STARD13: variants seen among roughly 807,000 people sequenced by gnomAD.
STARD13 encodes StAR related lipid transfer domain containing 13, also known as stAR-related lipid transfer protein 13.
STARD13 carries 62 observed loss-of-function variants against 106.4 expected under a neutral mutation model. The ratio of observed to expected loss-of-function variants is 0.58; its 90% CI spans 0.48 to 0.72. The LOEUF is 0.72. STARD13 is among the 30% of genes least tolerant of loss of function. The pLI, the probability that STARD13 is intolerant of heterozygous loss-of-function variation, is 0.00. For synonymous variants in STARD13, 565 were observed against 553.0 expected, an observed-to-expected ratio of 1.02 and a Z score of -0.31; for missense variants, 1,387 against 1,424.0, an observed-to-expected ratio of 0.97 and a Z score of 0.42.
chr13:33,553,959 C>A, the STARD13 span, among the ~76,000 whole-genome samples: 2 of 151,976 alleles, frequency 1.3e-5, no homozygotes, highest in African/African-American at 2.4e-5. Flanking sequence ...GGATTCACAG[C>A]AAATTTTTTA....
chr13:33,368,260 T>G, the STARD13 span, among the ~76,000 whole-genome samples: 3 of 152,220 alleles, frequency 2.0e-5, no homozygotes, highest in Non-Finnish European at 4.4e-5. Flanking sequence ...AGAAAAGCTC[T>G]TTCAGTGAAA....
the STARD13 span, among the ~76,000 whole-genome samples, chr13:33,489,753 A>T: frequency 6.6e-6 from 1 of 152,214 alleles, no homozygotes; most frequent in African/African-American, 2.4e-5. Flanking sequence ...AGAAACAGCG[A>T]CGCACCATGG....
At chr13:33,551,253 C>T in the STARD13 span, among the ~76,000 whole-genome samples, 1 of 152,176 alleles carries the variant, frequency 6.6e-6, no homozygotes, top group African/African-American at 2.4e-5. Flanking sequence ...AGATACTTCA[C>T]AGCTGAAGGG....
intron 4 of STARD13, among the ~76,000 whole-genome samples, chr13:33,135,117 G>T (rs1878882620): frequency 6.6e-6 from 1 of 152,188 alleles, no homozygotes; most frequent in African/African-American, 2.4e-5. Context: ...AATCAGAATG[G>T]CCAAGGATCT....
At chr13:33,136,754 T>C (rs1291114840) in intron 4 of STARD13, among the ~76,000 whole-genome samples, 1 of 152,158 alleles carries the variant, frequency 6.6e-6, no homozygotes, top group East Asian at 1.9e-4. Context: ...TGTCGCTCAA[T>C]AAAAATTCTT....
chr13:33,220,151 A>AAT (rs1460823778), intron 1 of STARD13, among the ~76,000 whole-genome samples: 1 of 152,218 alleles, frequency 6.6e-6, no homozygotes, highest in African/African-American at 2.4e-5. Context: ...TAGGCATTCA[A>AAT]ATATAAAACA....
Position 33,105,581 on chromosome 13 carries a change from A to G in STARD13, c.*12T>C. The G allele has an allele frequency of 6.3e-7, 1 of 1,580,462 alleles. No homozygotes were observed. The highest frequency in any genetic ancestry group is 8.7e-7 in the Non-Finnish European group (1 of 1,149,234). On this transcript the variant is annotated 3_prime_UTR_variant, in exon 14 of 14. Transcript: ENST00000336934. ...TCCTCTTCCCTGAGTTTGATGTCAC[A>G]CTGGGCAAAACTCAGATTTTAGTTT...
chr13:33,362,696 G>T, the STARD13 span, among the ~76,000 whole-genome samples: 5 of 152,186 alleles, frequency 3.3e-5, no homozygotes, highest in Non-Finnish European at 7.3e-5. Flanking sequence ...TAGCATAGCT[G>T]TCCCCTCTTT....
intron 1 of STARD13, among the ~76,000 whole-genome samples, chr13:33,182,606 C>CA (rs1299858669): frequency 5.3e-5 from 8 of 152,042 alleles, no homozygotes; most frequent in East Asian, 1.9e-4. Context: ...AAAAAAATTA[C>CA]AAAAAAAATC....
At chr13:33,295,312 G>A (rs563244851) in intron 1 of STARD13, among the ~76,000 whole-genome samples, 1 of 152,094 alleles carries the variant, frequency 6.6e-6, no homozygotes, top group Non-Finnish European at 1.5e-5. Context: ...CCCTCTAGAG[G>A]TCTAGATTTA....
intron 1 of STARD13, among the ~76,000 whole-genome samples, chr13:33,319,023 AT>A (rs1893449764): frequency 8.5e-6 from 1 of 117,852 alleles, no homozygotes; most frequent in East Asian, 2.7e-4. Flanking sequence ...AGAGTTACCA[AT>A]GACCAAGCAA....
the STARD13 span, among the ~76,000 whole-genome samples, chr13:33,571,534 G>C: frequency 6.7e-6 from 1 of 149,788 alleles, no homozygotes; most frequent in South Asian, 2.1e-4. Flanking sequence ...AAGGGACTTG[G>C]TCTGTACTTC....
chr13:33,245,829 A>T (rs1051744184), intron 1 of STARD13, among the ~76,000 whole-genome samples: 4 of 152,228 alleles, frequency 2.6e-5, no homozygotes, highest in African/African-American at 9.6e-5. Flanking sequence ...TTTCTAAAAT[A>T]GATTTTCTTT....
chr13:33,177,335 T>C (rs1399635023), intron 1 of STARD13, among the ~76,000 whole-genome samples: 1 of 152,082 alleles, frequency 6.6e-6, no homozygotes, highest in Non-Finnish European at 1.5e-5. Flanking sequence ...TTGAAAAACT[T>C]ACACACACAC....
the STARD13 span, among the ~76,000 whole-genome samples, chr13:33,671,736 A>G: frequency 2.6e-5 from 4 of 152,134 alleles, no homozygotes; most frequent in Non-Finnish European, 5.9e-5. Context: ...TCTCTAAATA[A>G]ATAAATAAAT....
the STARD13 span, among the ~76,000 whole-genome samples, chr13:33,456,083 G>A: frequency 6.1e-4 from 93 of 152,288 alleles, 1 homozygote; most frequent in African/African-American, 2.2e-3. Context: ...ATGAGCATTT[G>A]TTTATATATT....
At chr13:33,172,252 CTT>C (rs1884045962) in intron 1 of STARD13, among the ~76,000 whole-genome samples, 1 of 152,064 alleles carries the variant, frequency 6.6e-6, no homozygotes, top group Non-Finnish European at 1.5e-5. Flanking sequence ...GGGAAATTTA[CTT>C]TGTTTCGAGA....
intron 1 of STARD13, among the ~76,000 whole-genome samples, chr13:33,175,105 A>G (rs1323893979): frequency 6.6e-6 from 1 of 152,228 alleles, no homozygotes; most frequent in African/African-American, 2.4e-5. Context: ...GAGAAAAAGA[A>G]AGCAGAAAAT....
the STARD13 span, among the ~76,000 whole-genome samples, chr13:33,465,580 G>C: frequency 6.6e-6 from 1 of 152,058 alleles, no homozygotes; most frequent in Non-Finnish European, 1.5e-5. Context: ...TTGCCTAAAA[G>C]TCTCTGATAG....
Sources: allele counts gnomAD v4.1 joint callset (sites outside exome capture counted in the v4.1 genomes callset), GRCh38; gene constraint gnomAD v4.1.1; transcripts MANE v1.5; gene names NCBI Gene and HGNC (gene_info 2026-07-23, HGNC 2026-07-21).